The following PKHD1L1 variants were observed in gnomAD, a reference collection of about 807,000 sequenced individuals.
PKHD1L1 encodes the protein fibrocystin-L.
Under a neutral mutation model 462.9 loss-of-function variants are expected in PKHD1L1, and 434 were observed. The observed-to-expected ratio is 0.94, with a 90% CI of 0.87 to 1.02. The LOEUF (loss-of-function observed/expected upper bound fraction) is 1.02. PKHD1L1 is among the 50% of genes least tolerant of loss of function. The pLI is 0.00. For missense variants in PKHD1L1, 5,202 were observed against 5,096.1 expected, an observed-to-expected ratio of 1.02 and a Z score of -0.63; for synonymous variants, 1,781 against 1,750.0, an observed-to-expected ratio of 1.02 and a Z score of -0.44.
At chr8:109,467,642 C>T (rs1266018448) in intron 50 of PKHD1L1, among the ~76,000 whole-genome samples, 2 of 152,060 alleles carry the variant, frequency 1.3e-5, no homozygotes, top group Non-Finnish European at 2.9e-5. Context: ...CTTTATCATT[C>T]CATCCATCAT....
chr8:109,515,343 G>A, intron 72 of PKHD1L1, 38 bp downstream of exon 72: 2 of 1,352,264 alleles, frequency 1.5e-6, no homozygotes, highest in East Asian at 2.7e-5. Context: ...CATGGAAAAT[G>A]TACTTATTTA....
chr8:109,365,937 G>A (rs1221772804), intron 2 of PKHD1L1, among the ~76,000 whole-genome samples: 3 of 152,176 alleles, frequency 2.0e-5, no homozygotes, highest in African/African-American at 7.2e-5. Flanking sequence ...TCGCGCCACT[G>A]TACTCCAGCC....
At chr8:109,372,411 C>A (rs552854321) in intron 2 of PKHD1L1, among the ~76,000 whole-genome samples, 6 of 152,282 alleles carry the variant, frequency 3.9e-5, no homozygotes, top group African/African-American at 1.2e-4. Context: ...TGGGCTGAGA[C>A]GACTGGGTTA....
intron 21 of PKHD1L1, among the ~76,000 whole-genome samples, chr8:109,415,694 C>A (rs1445837598): frequency 6.6e-6 from 1 of 151,678 alleles, no homozygotes; most frequent in Admixed American, 6.6e-5. Flanking sequence ...ACAAAAAATA[C>A]AAAAATTAGC....
At chr8:109,428,549 G>T (rs569278932) in intron 25 of PKHD1L1, among the ~76,000 whole-genome samples, 16 of 152,066 alleles carry the variant, frequency 1.1e-4, no homozygotes, top group African/African-American at 3.9e-4. Flanking sequence ...TAAGGATATG[G>T]GGGTTATTTT....
intron 50 of PKHD1L1, chr8:109,471,224 G>C (rs1468524172): frequency 2.9e-6 from 2 of 686,826 alleles, no homozygotes; most frequent in Admixed American, 6.8e-5. Context: ...GTGTCATTTA[G>C]TAAGGGTTTT....
intron 2 of PKHD1L1, among the ~76,000 whole-genome samples, chr8:109,372,768 G>T (rs1811581180): frequency 6.6e-6 from 1 of 152,010 alleles, no homozygotes; most frequent in African/African-American, 2.4e-5. Context: ...ATAATCATGT[G>T]GTTTTTGTCT....
chr8:109,444,787 C>G lies in PKHD1L1; in HGVS notation c.4918C>G (p.Leu1640Val). ...AACTGTCACTTTGACTGTCTACAAC[C>G]TGGGCACTGCTATCAATACGTTGTC... ...RETVTLTVYN[L>V]GTAINTLSNE... is the part of the protein sequence containing the mutation. Residue 1640 changes from leucine (L) to valine (V), a missense_variant, in exon 38 of 78, where the codon CTG (leucine) becomes GTG (valine). Coordinates refer to ENST00000378402, the MANE Select transcript of PKHD1L1 (RefSeq NM_177531.6). The G allele has an allele frequency of 6.2e-7, 1 of 1,614,004 alleles. No homozygotes were observed. The highest frequency in any genetic ancestry group is 8.5e-7 in the Non-Finnish European group (1 of 1,179,896).
chr8:109,528,792 A>G (rs763737311), intron 77 of PKHD1L1, among the ~76,000 whole-genome samples: 6 of 152,232 alleles, frequency 3.9e-5, no homozygotes, highest in Non-Finnish European at 8.8e-5. Flanking sequence ...TATGCCTTAC[A>G]TATTATAAGT....
At position 109,477,239 on chromosome 8, in the gene PKHD1L1, G is replaced by T. The variant is rs760910504; in HGVS notation, c.8932G>T (p.Asp2978Tyr). 7.4e-6 allele frequency: 12 copies of T among 1,612,834 alleles called. No homozygotes were observed. In the Admixed American group the frequency reaches 1.8e-4, roughly 25 times the overall value. ...TLYYLVSGRN[D>Y]LHQSQLISGN... ...TTCACTTTCAGTGTCAGGAAGAAATGACCTTCATCAGAGTCAGCTCATTTC... is the reference window on the plus strand; with the variant it reads ...TTCACTTTCAGTGTCAGGAAGAAATTACCTTCATCAGAGTCAGCTCATTTC... Residue 2978 changes from aspartate (D) to tyrosine (Y), a missense_variant, in exon 53 of 78, where the codon GAC (aspartate) becomes TAC (tyrosine). Asp to Tyr is a radical substitution (Grantham distance 160). This residue lies in a region of PKHD1L1 where 4,497 missense variants were observed against 4,336.8 expected (regional missense o/e 1.04). Coordinates refer to ENST00000378402, the MANE Select transcript of PKHD1L1 (RefSeq NM_177531.6).
rs756997323 is a variant in PKHD1L1 at position 109,400,193 on chromosome 8, C to T, written c.1130C>T (p.Ala377Val). The T allele has an allele frequency of 1.9e-5, 31 of 1,613,662 alleles. No homozygotes were observed. The highest frequency in any genetic ancestry group is 2.2e-5 in the Non-Finnish European group (26 of 1,179,686). ...ATGGGTGCCAGTTGGGTAGATTCAGCTTCCTATATTTGGCTCATGGAACAA... is the reference window on the plus strand; with the variant it reads ...ATGGGTGCCAGTTGGGTAGATTCAGTTTCCTATATTTGGCTCATGGAACAA... ...GYMGASWVDS[A>V]SYIWLMEQDT... The change falls in exon 13 of 78, where the codon GCT becomes GTT. Residue 377 changes from alanine (A) to valine (V), a missense_variant. By Grantham distance (64) the Ala-to-Val change is moderately conservative. Around this residue, in one of 3 missense-constraint regions of PKHD1L1, gnomAD observed 4,497 missense variants for 4,336.8 expected, o/e 1.04. Coordinates refer to ENST00000378402, the MANE Select transcript of PKHD1L1 (RefSeq NM_177531.6).
At chr8:109,485,465 C>G (rs1194938260) in intron 58 of PKHD1L1, among the ~76,000 whole-genome samples, 1 of 151,958 alleles carries the variant, frequency 6.6e-6, no homozygotes, top group Non-Finnish European at 1.5e-5. Flanking sequence ...GATTCTTGTG[C>G]ACGCTGAAAT....
At position 109,479,625 on chromosome 8, in the gene PKHD1L1, T is replaced by G; in HGVS notation, c.9164T>G (p.Val3055Gly). The G allele has an allele frequency of 6.7e-7, 1 of 1,501,780 alleles. No individual in the cohort carries two copies. The allele number at this position is 1,501,780 out of a possible 1,614,324, so 93.0% of individuals were successfully genotyped here. A position where few individuals can be genotyped will look rare whatever the true frequency, so the allele number is the denominator to read the frequency against. Reference protein sequence around the residue: ...NYTVPHPGANVIIPEGTWIVA... With the variant: ...NYTVPHPGANGIIPEGTWIVA... ...ACTGTACCTCACCCAGGGGCAAATGTGATTATACCTGAAGGTAAATGCGTA... is the reference window on the plus strand; with the variant it reads ...ACTGTACCTCACCCAGGGGCAAATGGGATTATACCTGAAGGTAAATGCGTA... The change falls in exon 54 of 78, where the codon GTG becomes GGG. Residue 3055 changes from valine (V) to glycine (G), a missense_variant. Val to Gly is a moderately radical substitution (Grantham distance 109). This residue lies in a region of PKHD1L1 where 4,497 missense variants were observed against 4,336.8 expected (regional missense o/e 1.04). Coordinates refer to ENST00000378402, the MANE Select transcript of PKHD1L1 (RefSeq NM_177531.6).
intron 21 of PKHD1L1, among the ~76,000 whole-genome samples, chr8:109,418,377 A>G (rs1457944291): frequency 1.3e-5 from 2 of 152,194 alleles, no homozygotes; most frequent in Non-Finnish European, 2.9e-5. Flanking sequence ...ATGGGACTGT[A>G]AGGTACCCAA....
At position 109,466,649 on chromosome 8, in the gene PKHD1L1, T is replaced by A; in HGVS notation, c.8485T>A (p.Trp2829Arg). The A allele has an allele frequency of 6.2e-7, 1 of 1,610,482 alleles. No individual in the cohort carries two copies. Among genetic ancestry groups the A allele is most frequent in the South Asian group, 1.1e-5 (1 of 90,192 alleles). The change falls in exon 50 of 78, where the codon TGG becomes AGG. Residue 2829 changes from tryptophan to arginine, a missense_variant. Transcript: ENST00000378402. ...TTCTCATTGTACTCAGGAAGCTGAG[T>A]GGAGCATTGGGTTCCCTGGATCAGT... ...DPSHCTQEAE[W>R]SIGFPGSVCD...
chr8:109,458,200 T>C (rs1251197164), intron 46 of PKHD1L1, among the ~76,000 whole-genome samples: 2 of 152,168 alleles, frequency 1.3e-5, no homozygotes, highest in African/African-American at 4.8e-5. Context: ...ACAAATCTTT[T>C]TCAGTGACCT....
chr8:109,368,920 T>C (rs1292989468), intron 2 of PKHD1L1, among the ~76,000 whole-genome samples: 1 of 152,204 alleles, frequency 6.6e-6, no homozygotes, highest in Non-Finnish European at 1.5e-5. Context: ...CCTGTAATCT[T>C]TGTGACTTGG....
chr8:109,400,491 A>T, intron 13 of PKHD1L1, 147 bp downstream of exon 13: 2 of 964,882 alleles, frequency 2.1e-6, no homozygotes, highest in Non-Finnish European at 3.0e-6. Flanking sequence ...ATTATCCTGG[A>T]TATGATACAA....
In PKHD1L1 at chr8:109,458,520, A is replaced by G. The variant is rs1816941445; in HGVS notation, c.7005-1075A>G. ...GAGCAGACAAGTCAGTGGAAGGGAC[A>G]GAAAGGTAGATATCTCATAGGACTG... is the stretch of plus-strand genomic sequence containing the variant. On this transcript the variant is annotated intron_variant, in intron 46 of 77. Coordinates refer to ENST00000378402, the MANE Select transcript of PKHD1L1 (RefSeq NM_177531.6). Among the ~76,000 whole-genome samples, 3 of 152,198 alleles carry G rather than the reference A, an allele frequency of 2.0e-5. No homozygotes were observed. The South Asian group carries it at 6.2e-4, about 32-fold the overall frequency.
Sources: allele counts gnomAD v4.1 joint callset (sites outside exome capture counted in the v4.1 genomes callset), GRCh38; gene constraint gnomAD v4.1.1; regional missense constraint gnomAD v4.1.1; transcripts MANE v1.5; gene names NCBI Gene and HGNC (gene_info 2026-07-23, HGNC 2026-07-21).